Variants in SFMBT1 observed in about 807,000 individuals in gnomAD.
SFMBT1 encodes Scm like with four mbt domains 1.
Under a neutral mutation model 108.7 loss-of-function variants are expected in SFMBT1, and 32 were observed. That is an observed-to-expected ratio of 0.29 (90% confidence interval 0.22 to 0.40). The LOEUF is 0.40. Ranked by LOEUF, SFMBT1 falls within the 10% of genes least tolerant of loss-of-function variation. The pLI is 1.00. For synonymous variants in SFMBT1, 348 were observed against 369.5 expected (o/e 0.94, Z 0.67); for missense variants, 816 against 1,059.6 (o/e 0.77, Z 3.19).
intron 18 of SFMBT1, 117 bp from the exon 19 acceptor site, chr3:52,907,431 C>T: frequency 6.6e-7 from 1 of 1,517,582 alleles, no homozygotes; most frequent in African/African-American, 1.4e-5. Context: ...GTTCTTGGGC[C>T]ACAAAACCAT....
At chr3:52,948,942 T>G (rs1703477267) in intron 3 of SFMBT1, among the ~76,000 whole-genome samples, 1 of 144,794 alleles carries the variant, frequency 6.9e-6, no homozygotes. Flanking sequence ...GGATTACAGG[T>G]GTGAGCCACT....
At chr3:52,998,746 C>T (rs997412013) in intron 1 of SFMBT1, among the ~76,000 whole-genome samples, 26 of 150,692 alleles carry the variant, frequency 1.7e-4, no homozygotes, top group South Asian at 4.2e-4. Context: ...GTCCTGTGGG[C>T]GTATCAACAG....
In SFMBT1 at chr3:52,907,667, G is replaced by C. The variant is rs774774896; in HGVS notation, c.1973C>G (p.Ala658Gly). ...GRPPGGHSNL[A>G]CALKKASKRR... ...CTTACTGGCTTTTTTCAGGGCACAA[G>C]CTAAGTTACTATGCCCACCAGGTGG... Residue 658 changes from alanine (A) to glycine (G), a missense_variant, in exon 18 of 21, where the codon GCT (alanine) becomes GGT (glycine). Physicochemically the swap from Ala to Gly is moderately conservative, Grantham distance 60. Transcript: ENST00000394752. The C allele has an allele frequency of 6.2e-7, 1 of 1,614,052 alleles. No individual in the cohort carries two copies. The highest frequency in any genetic ancestry group is 8.5e-7 in the Non-Finnish European group (1 of 1,180,032).
chr3:53,029,829 G>C (rs1184349588), intron 1 of SFMBT1, among the ~76,000 whole-genome samples: 2 of 151,928 alleles, frequency 1.3e-5, no homozygotes, highest in Non-Finnish European at 2.9e-5. Context: ...GTGGTAGAAG[G>C]CCTCTCCACG....
chr3:52,998,726 G>A (rs1166275682), intron 1 of SFMBT1, among the ~76,000 whole-genome samples: 1 of 150,726 alleles, frequency 6.6e-6, no homozygotes, highest in East Asian at 1.9e-4. Flanking sequence ...ACGAGCTTGT[G>A]ATCTCCCGGG....
intron 1 of SFMBT1, among the ~76,000 whole-genome samples, chr3:53,043,610 T>C (rs1243804396): frequency 3.3e-5 from 5 of 152,220 alleles, no homozygotes; most frequent in African/African-American, 1.2e-4. Flanking sequence ...AAATATATAG[T>C]ACCTATATTC....
At chr3:52,915,963 C>T (rs545726234) in intron 14 of SFMBT1, among the ~76,000 whole-genome samples, 187 bp downstream of exon 14, 74 of 152,314 alleles carry the variant, frequency 4.9e-4, no homozygotes, top group Admixed American at 3.9e-3. Flanking sequence ...ATGGACGGAA[C>T]TATCAGCCTA....
At chr3:53,030,720 C>T (rs1699657439) in intron 1 of SFMBT1, among the ~76,000 whole-genome samples, 1 of 148,466 alleles carries the variant, frequency 6.7e-6, no homozygotes, top group Non-Finnish European at 1.5e-5. Flanking sequence ...ACTTGCTTCT[C>T]CAACAAAAAT....
Position 52,923,827 on chromosome 3 carries a change from G to A in SFMBT1, c.1132-1996C>T, listed in dbSNP as rs564736275. ...AAACGGAAGGAAGGAAATCAAAGAA[G>A]TGATTTAAAAAAAATTTCCCAACAC... is the stretch of plus-strand genomic sequence containing the variant. On this transcript the variant is annotated intron_variant, in intron 10 of 20. Transcript: ENST00000394752. Among the ~76,000 whole-genome samples the A allele has an allele frequency of 2.4e-3, 368 of 152,110 alleles. 1 individual carries two copies. Among genetic ancestry groups the A allele is most frequent in the African/African-American group, 7.9e-3 (328 of 41,516 alleles).
At position 52,952,467 on chromosome 3, in the gene SFMBT1, T is replaced by C. The variant is rs1703627857; in HGVS notation, c.123+1850A>G. 4.6e-5 allele frequency among the ~76,000 whole-genome samples: 7 copies of C among 152,300 alleles called. No individual in the cohort carries two copies. The South Asian group carries it at 1.4e-3, about 32-fold the overall frequency. On this transcript the variant is annotated intron_variant, in intron 3 of 20. Coordinates refer to ENST00000394752, the MANE Select transcript of SFMBT1 (RefSeq NM_016329.4). ...CTAAGCTCCAGTATGACTGTTTGGA[T>C]ATAGGCCCTTTATGAAGGTTGTCTT...
intron 20 of SFMBT1, among the ~76,000 whole-genome samples, chr3:52,905,892 T>G (rs1374164884): frequency 1.3e-5 from 2 of 152,166 alleles, no homozygotes; most frequent in African/African-American, 2.4e-5. Context: ...GGAATCAAAT[T>G]CTTAGGAAAA....
rs763062967 is a variant in SFMBT1 at position 52,906,229 on chromosome 3, C to T, written c.2344G>A (p.Glu782Lys). 36 of 1,613,940 alleles carry T rather than the reference C, an allele frequency of 2.2e-5. No individual in the cohort carries two copies. The East Asian group carries it at 2.9e-4, about 13-fold the overall frequency. The change falls in exon 20 of 21, where the codon GAA becomes AAA. Residue 782 changes from glutamate (E) to lysine (K), a missense_variant. Transcript: ENST00000394752. ...TCCAGGTGAAGCCTTTCAGCAACTTCGATCCTTATTTCCTTCATTCCCCAC... is the reference window on the plus strand; with the variant it reads ...TCCAGGTGAAGCCTTTCAGCAACTTTGATCCTTATTTCCTTCATTCCCCAC... ...KPPSPKEIRI[E>K]VAERLHLDSN...
At chr3:53,037,953 T>C (rs1459573842) in intron 1 of SFMBT1, among the ~76,000 whole-genome samples, 1 of 151,884 alleles carries the variant, frequency 6.6e-6, no homozygotes, top group Admixed American at 6.6e-5. Flanking sequence ...TACCAAAAAA[T>C]ACAAAAAATT....
At chr3:52,990,146 C>A (rs1705073420) in intron 1 of SFMBT1, among the ~76,000 whole-genome samples, 2 of 152,140 alleles carry the variant, frequency 1.3e-5, no homozygotes, top group South Asian at 2.1e-4. Context: ...AACACAACCA[C>A]TCACTCAGGA....
chr3:52,914,468 C>G (rs74338500), intron 14 of SFMBT1, among the ~76,000 whole-genome samples: 2 of 152,088 alleles, frequency 1.3e-5, no homozygotes, highest in Non-Finnish European at 2.9e-5. Context: ...GGCTCATGCC[C>G]GTAATCCCAG....
chr3:53,024,810 G>T (rs1369637387), intron 1 of SFMBT1, among the ~76,000 whole-genome samples: 1 of 152,172 alleles, frequency 6.6e-6, no homozygotes, highest in Non-Finnish European at 1.5e-5. Context: ...CCTACCAGGT[G>T]TAAGAATATA....
chr3:53,036,521 C>T (rs567831251), intron 1 of SFMBT1, among the ~76,000 whole-genome samples: 1 of 152,230 alleles, frequency 6.6e-6, no homozygotes, highest in South Asian at 2.1e-4. Flanking sequence ...CCTGGGCAAA[C>T]AGGCCCACTA....
chr3:52,915,103 T>C (rs1380407309), intron 14 of SFMBT1, among the ~76,000 whole-genome samples: 1 of 152,184 alleles, frequency 6.6e-6, no homozygotes, highest in Non-Finnish European at 1.5e-5. Context: ...GAAACTTCTG[T>C]TGCAACTGCA....
At position 52,971,498 on chromosome 3, in the gene SFMBT1, G is replaced by A. The variant is rs1484833244; in HGVS notation, c.-130-2240C>T. ...CCCTCAGTTTACTTTTCTACCCCAA[G>A]CCCAAAACATCCAAACTGTATCACT... On this transcript the variant is annotated intron_variant, in intron 1 of 20. Transcript: ENST00000394752. Among the ~76,000 whole-genome samples the A allele has an allele frequency of 2.0e-5, 3 of 152,006 alleles. 1 individual carries two copies. Among genetic ancestry groups the A allele is most frequent in the Non-Finnish European group, 2.9e-5 (2 of 68,006 alleles).
Sources: allele counts gnomAD v4.1 joint callset (sites outside exome capture counted in the v4.1 genomes callset), GRCh38; gene constraint gnomAD v4.1.1; transcripts MANE v1.5; gene names NCBI Gene and HGNC (gene_info 2026-07-23, HGNC 2026-07-21).